The following PRKCQ variants were observed in gnomAD, a reference collection of about 807,000 sequenced individuals.
The protein encoded by PRKCQ is protein kinase C theta type.
PRKCQ carries 41 observed loss-of-function variants against 91.2 expected under a neutral mutation model. The observed-to-expected ratio is 0.45, with a 90% CI of 0.35 to 0.58. PRKCQ has a LOEUF of 0.58. PRKCQ is among the 20% of genes least tolerant of loss of function. The pLI is 0.00. For missense variants in PRKCQ, 673 were observed against 896.5 expected, an observed-to-expected ratio of 0.75 and a Z score of 3.18; for synonymous variants, 307 against 316.9, an observed-to-expected ratio of 0.97 and a Z score of 0.33.
In PRKCQ at chr10:6,464,403, T is replaced by C. The variant is rs1181715913; in HGVS notation, c.1355A>G (p.Glu452Gly). ...THMFCTFQTK[E>G]NLFFVMEYLN... Reference sequence around the variant, plus strand: ...GTACTCCATCACAAAAAAGAGGTTTTCCTGTGGAAAAACAAAACAATTCCA... The same window carrying C: ...GTACTCCATCACAAAAAAGAGGTTTCCCTGTGGAAAAACAAAACAATTCCA... The change falls in exon 13 of 18, where the codon GAA becomes GGA. Residue 452 changes from glutamate to glycine, a missense_variant and splice_region_variant. Glu to Gly is a moderately conservative substitution (Grantham distance 98, BLOSUM62 -2). Transcript: ENST00000263125. 1 of 1,596,178 alleles carries C rather than the reference T, an allele frequency of 6.3e-7. No individual in the cohort carries two copies.
chr10:6,564,980 T>C (rs1365282973), intron 1 of PRKCQ, among the ~76,000 whole-genome samples: 2 of 152,232 alleles, frequency 1.3e-5, no homozygotes, highest in African/African-American at 4.8e-5. Flanking sequence ...AAAGCGGTTT[T>C]CAGAAAATGT....
chr10:6,552,894 T>TA (rs34289838), intron 1 of PRKCQ, among the ~76,000 whole-genome samples: 127,540 of 150,602 alleles, frequency 0.85, 55,193 homozygotes, highest in East Asian at 0.99. Context: ...AAAATTAAAA[T>TA]TTTTTTTTAA....
chr10:6,530,495 C>G (rs1839353347), intron 1 of PRKCQ, among the ~76,000 whole-genome samples: 1 of 152,240 alleles, frequency 6.6e-6, no homozygotes, highest in African/African-American at 2.4e-5. Context: ...TCTACGGAAG[C>G]CCGCATGTGC....
chr10:6,490,582 AAAAC>A (rs1837237520), intron 8 of PRKCQ, among the ~76,000 whole-genome samples: 1 of 144,138 alleles, frequency 6.9e-6, no homozygotes, highest in African/African-American at 2.6e-5. Context: ...AAAACAAAGA[AAAAC>A]AAAAAAAACA....
intron 15 of PRKCQ, among the ~76,000 whole-genome samples, chr10:6,454,504 A>G (rs560993098): frequency 2.0e-4 from 31 of 152,294 alleles, no homozygotes; most frequent in African/African-American, 6.5e-4. Flanking sequence ...GTCCAATTAT[A>G]GAAGGTGTTG....
intron 16 of PRKCQ, among the ~76,000 whole-genome samples, chr10:6,436,720 G>T (rs1833716311): frequency 6.6e-6 from 1 of 152,196 alleles, no homozygotes. Flanking sequence ...GCCTTGGGTT[G>T]TTTTATAGAT....
the PRKCQ span, among the ~76,000 whole-genome samples, chr10:6,408,356 G>A: frequency 6.6e-6 from 1 of 151,968 alleles, no homozygotes; most frequent in South Asian, 2.1e-4. Context: ...TTTTGGCAAG[G>A]CCACTTTTTG....
chr10:6,417,001 C>G, the PRKCQ span, among the ~76,000 whole-genome samples: 1 of 152,182 alleles, frequency 6.6e-6, no homozygotes, highest in Non-Finnish European at 1.5e-5. Context: ...CAACTTTCCT[C>G]TTGATAAATT....
chr10:6,523,244 G>A (rs1270064231), intron 1 of PRKCQ, among the ~76,000 whole-genome samples: 3 of 152,094 alleles, frequency 2.0e-5, no homozygotes, highest in Non-Finnish European at 4.4e-5. Flanking sequence ...GAGCCTAGGA[G>A]TTTGAGACCA....
chr10:6,406,405 G>A, the PRKCQ span, among the ~76,000 whole-genome samples: 8 of 151,422 alleles, frequency 5.3e-5, no homozygotes, highest in Non-Finnish European at 7.4e-5. Context: ...TCCAGAATTC[G>A]GCTGTAAAAT....
At chr10:6,482,562 C>T (rs929873178) in intron 11 of PRKCQ, among the ~76,000 whole-genome samples, 9 of 152,330 alleles carry the variant, frequency 5.9e-5, no homozygotes, top group African/African-American at 2.2e-4. Flanking sequence ...TGATGGTGAA[C>T]TTCCATCCTC....
chr10:6,433,833 C>G (rs1833539286), intron 16 of PRKCQ, among the ~76,000 whole-genome samples: 1 of 151,874 alleles, frequency 6.6e-6, no homozygotes, highest in African/African-American at 2.4e-5. Flanking sequence ...GAGTTTGAGA[C>G]CAGCCTAGCC....
intron 15 of PRKCQ, among the ~76,000 whole-genome samples, chr10:6,448,375 G>A (rs1834441808): frequency 6.6e-6 from 1 of 151,932 alleles, no homozygotes; most frequent in Non-Finnish European, 1.5e-5. Context: ...TGCAATGGCA[G>A]AGAGGCACAG....
At position 6,479,430 on chromosome 10, in the gene PRKCQ, C is replaced by G. The variant is rs550146951; in HGVS notation, c.1180-265G>C. Reference sequence around the variant, plus strand: ...AATTGAATGGATTTTTAAAAGTGTGCCCTGCCTGCTCAGGGATCTGAGTGA... The same window carrying G: ...AATTGAATGGATTTTTAAAAGTGTGGCCTGCCTGCTCAGGGATCTGAGTGA... On this transcript the variant is annotated intron_variant, in intron 11 of 17. Transcript: ENST00000263125. Among the ~76,000 whole-genome samples the G allele has an allele frequency of 5.3e-5, 8 of 152,188 alleles. No homozygotes were observed. In the South Asian group the frequency reaches 6.2e-4, roughly 12 times the overall value.
At chr10:6,429,276 T>C (rs555354479) in intron 17 of PRKCQ, among the ~76,000 whole-genome samples, 4 of 152,314 alleles carry the variant, frequency 2.6e-5, no homozygotes, top group African/African-American at 9.6e-5. Context: ...TAATCTGCAG[T>C]GGAAGGTGAG....
intron 1 of PRKCQ, among the ~76,000 whole-genome samples, chr10:6,523,373 C>G (rs1839087220): frequency 6.6e-6 from 1 of 152,070 alleles, no homozygotes; most frequent in South Asian, 2.1e-4. Context: ...ATCACTTGAG[C>G]CCAGGATGTC....
chr10:6,546,156 C>T (rs886861272), intron 1 of PRKCQ, among the ~76,000 whole-genome samples: 3 of 152,170 alleles, frequency 2.0e-5, no homozygotes, highest in Non-Finnish European at 2.9e-5. Context: ...TATCTAACTG[C>T]AAATGTTAGG....
intron 10 of PRKCQ, 77 bp from the exon 11 acceptor site, chr10:6,483,677 C>T: frequency 6.6e-7 from 1 of 1,519,680 alleles, no homozygotes; most frequent in Non-Finnish European, 9.0e-7. Flanking sequence ...CACATGCTTT[C>T]TCTTCTACTT....
chr10:6,439,820 G>A (rs1833877317), intron 16 of PRKCQ, among the ~76,000 whole-genome samples: 1 of 151,936 alleles, frequency 6.6e-6, no homozygotes, highest in South Asian at 2.1e-4. Flanking sequence ...GGTCGTTTTG[G>A]GGGACTCAAA....
Sources: gnomAD v4.1 joint callset for allele counts (sites outside exome capture counted in the v4.1 genomes callset) on GRCh38, gnomAD v4.1.1 for gene constraint, MANE v1.5 for transcripts, NCBI Gene and HGNC (gene_info 2026-07-23, HGNC 2026-07-21) for gene names.